Variants in PXMP4 observed in about 807,000 individuals in gnomAD.
PXMP4 encodes the protein 24 kDa peroxisomal intrinsic membrane protein.
Under a neutral mutation model 21.6 loss-of-function variants are expected in PXMP4, and 16 were observed. That is an observed-to-expected ratio of 0.74 (90% CI 0.50 to 1.13). The LOEUF (loss-of-function observed/expected upper bound fraction) is 1.13. Among genes scored for constraint, PXMP4 ranks in the 50% most tolerant of loss-of-function variants. PXMP4 has a pLI of 0.00. For missense variants in PXMP4, 240 were observed against 277.7 expected (o/e 0.86, Z 0.96); for synonymous variants, 127 against 123.8 (o/e 1.03, Z -0.17).
Position 33,707,637 on chromosome 20 carries a change from G to T in PXMP4, c.*69C>A. 1 of 1,552,122 alleles carries T rather than the reference G, an allele frequency of 6.4e-7. No homozygotes were observed. The highest frequency in any genetic ancestry group is 8.8e-7 in the Non-Finnish European group (1 of 1,138,296). On this transcript the variant is annotated 3_prime_UTR_variant, in exon 4 of 4. Coordinates refer to ENST00000409299, the MANE Select transcript of PXMP4 (RefSeq NM_007238.5). Reference sequence around the variant, plus strand: ...AGTCTGAGGCCTATGATCTTGAGAAGGCAGTATCCTTTGGGAGGGTCTGCA... The same window carrying T: ...AGTCTGAGGCCTATGATCTTGAGAATGCAGTATCCTTTGGGAGGGTCTGCA...
rs2018218118 is a variant in PXMP4, at chr20:33,702,835, A to G, written c.*4871T>C. 6.6e-6 allele frequency: 1 copy of G among 152,224 alleles called. No individual in the cohort carries two copies. Among genetic ancestry groups the G allele is most frequent in the Admixed American group, 6.5e-5 (1 of 15,280 alleles). 9.4% of individuals were successfully genotyped at this position (152,224 alleles called of 1,614,324 possible). A position where few individuals can be genotyped will look rare whatever the true frequency, so the allele number is the denominator to read the frequency against. ...ATTGTAGCAGGTGTTTAGTAAGTAGAGGTTAAACCATTCTATTTCAGGAAC... is the reference window on the plus strand; with the variant it reads ...ATTGTAGCAGGTGTTTAGTAAGTAGGGGTTAAACCATTCTATTTCAGGAAC... On this transcript the variant is annotated 3_prime_UTR_variant, in exon 4 of 4. Transcript: ENST00000409299.
At position 33,705,940 on chromosome 20, in the gene PXMP4, T is replaced by A. The variant is rs2018252815; in HGVS notation, c.*1766A>T. 6.6e-6 allele frequency: 1 copy of A among 152,132 alleles called. No individual in the cohort carries two copies. Among genetic ancestry groups the A allele is most frequent in the Admixed American group, 6.6e-5 (1 of 15,262 alleles). 9.4% of individuals were successfully genotyped at this position (152,132 alleles called of 1,614,324 possible). A position where few individuals can be genotyped will look rare whatever the true frequency, so the allele number is the denominator to read the frequency against. ...TCTTTTCTTTTCTTTTTTTATTTTT[T>A]TTTTAGACACAGTCTCGCTCTGTGG... On this transcript the variant is annotated 3_prime_UTR_variant, in exon 4 of 4. Transcript: ENST00000409299.
At chr20:33,715,719 G>A (rs139671483) in intron 1 of PXMP4, among the ~76,000 whole-genome samples, 2,131 of 152,010 alleles carry the variant, frequency 0.014, 56 homozygotes, top group African/African-American at 0.048. Flanking sequence ...GAGCCACTGT[G>A]CCCCGCCCCA....
chr20:33,709,527 C>T (rs1358706576), intron 3 of PXMP4, among the ~76,000 whole-genome samples: 2 of 152,034 alleles, frequency 1.3e-5, no homozygotes, highest in Non-Finnish European at 2.9e-5. Context: ...GAGAGCAGCA[C>T]ATGCATTGAT....
chr20:33,714,578 T>G, intron 2 of PXMP4, 96 bp downstream of exon 2: 1 of 1,214,794 alleles, frequency 8.2e-7, no homozygotes, highest in East Asian at 2.3e-5. Flanking sequence ...TTAGAAGGCG[T>G]GATGGGGGGA....
intron 3 of PXMP4, 72 bp from the exon 4 acceptor site, chr20:33,708,041 ATT>A: frequency 6.8e-7 from 1 of 1,476,474 alleles, no homozygotes; most frequent in Non-Finnish European, 9.1e-7. Flanking sequence ...GATATTAATA[ATT>A]TGTTTCATTT....
intron 1 of PXMP4, among the ~76,000 whole-genome samples, chr20:33,715,570 C>T (rs1008610875): frequency 6.6e-6 from 1 of 151,966 alleles, no homozygotes; most frequent in Non-Finnish European, 1.5e-5. Flanking sequence ...GGATTACAGG[C>T]ACGTGCCACC....
At chr20:33,715,570 C>G (rs1008610875) in intron 1 of PXMP4, among the ~76,000 whole-genome samples, 1 of 151,966 alleles carries the variant, frequency 6.6e-6, no homozygotes, top group Non-Finnish European at 1.5e-5. Flanking sequence ...GGATTACAGG[C>G]ACGTGCCACC....
At chr20:33,716,648 C>T (rs1215724233) in intron 1 of PXMP4, among the ~76,000 whole-genome samples, 2 of 152,190 alleles carry the variant, frequency 1.3e-5, no homozygotes, top group Non-Finnish European at 2.9e-5. Flanking sequence ...ATGTGTCTGG[C>T]TTGTCATCTG....
At position 33,710,757 on chromosome 20, in the gene PXMP4, C is replaced by T; in HGVS notation, c.177-4G>A. On this transcript the variant is annotated splice_polypyrimidine_tract_variant and splice_region_variant and intron_variant, in intron 2 of 3. Transcript: ENST00000409299. ...GGCCCACAGCTTCTCCTGGAGGCTG[C>T]ACAAACACAGGTGCCCCTGCCATGA... is the stretch of plus-strand genomic sequence containing the variant. 1 of 1,592,686 alleles carries T rather than the reference C, an allele frequency of 6.3e-7. No homozygotes were observed. Among genetic ancestry groups the T allele is most frequent in the Non-Finnish European group, 8.6e-7 (1 of 1,167,266 alleles).
chr20:33,713,988 G>A, intron 2 of PXMP4, among the ~76,000 whole-genome samples: 1 of 151,910 alleles, frequency 6.6e-6, no homozygotes, highest in African/African-American at 2.4e-5. Flanking sequence ...ATTGCCAGGA[G>A]GGAAGTAAAG....
chr20:33,714,169 A>G (rs2018360314), intron 2 of PXMP4, among the ~76,000 whole-genome samples: 1 of 152,198 alleles, frequency 6.6e-6, no homozygotes, highest in East Asian at 1.9e-4. Flanking sequence ...GAAGGCCCTG[A>G]AGGCCAGGCC....
At position 33,710,666 on chromosome 20, in the gene PXMP4, G is replaced by A. The variant is rs1336455614; in HGVS notation, c.264C>T (p.Leu88=). ...CTTGTATGTAGGACTGCAGGGCACG[G>A]AGACCCTTGTAGGTGAACACAAACC... ...LARFVFTYKG[L]RALQSYIQGK... Residue 88 remains leucine, a synonymous_variant, in exon 3 of 4, where the codon CTC becomes CTT. Transcript: ENST00000409299. The A allele has an allele frequency of 7.4e-6, 12 of 1,613,972 alleles. No homozygotes were observed. The highest frequency in any genetic ancestry group is 1.0e-5 in the Non-Finnish European group (12 of 1,179,946).
At chr20:33,709,633 C>A (rs1225900917) in intron 3 of PXMP4, among the ~76,000 whole-genome samples, 2 of 151,932 alleles carry the variant, frequency 1.3e-5, no homozygotes, top group Admixed American at 1.3e-4. Context: ...CTCAGACATG[C>A]AAAAGAGCCA....
intron 1 of PXMP4, among the ~76,000 whole-genome samples, chr20:33,719,028 C>T (rs372083330): frequency 1.3e-5 from 2 of 152,172 alleles, no homozygotes; most frequent in East Asian, 3.9e-4. Context: ...CCCATGTAGC[C>T]GGGACTACAG....
At chr20:33,709,982 C>CT (rs1449642334) in intron 3 of PXMP4, among the ~76,000 whole-genome samples, 1 of 147,930 alleles carries the variant, frequency 6.8e-6, no homozygotes, top group Non-Finnish European at 1.5e-5. Context: ...AGAACCACGC[C>CT]CTTCTGCCAC....
At chr20:33,714,844 C>T (rs762239307) in intron 1 of PXMP4, 108 bp from the exon 2 acceptor site, 2 of 1,081,718 alleles carry the variant, frequency 1.8e-6, no homozygotes, top group Non-Finnish European at 2.8e-6. Flanking sequence ...ATTCTAACAC[C>T]ACTTTGGGAG....
chr20:33,715,585 C>T (rs545754670), intron 1 of PXMP4, among the ~76,000 whole-genome samples: 1 of 151,864 alleles, frequency 6.6e-6, no homozygotes, highest in African/African-American at 2.4e-5. Context: ...GCCACCATGC[C>T]TGGCTAATTT....
intron 2 of PXMP4, 89 bp from the exon 3 acceptor site, chr20:33,710,842 A>C: frequency 7.9e-7 from 1 of 1,267,306 alleles, no homozygotes; most frequent in Non-Finnish European, 1.1e-6. Flanking sequence ...CAACCAGCCA[A>C]GGAGCTCGGA....
Sources: allele counts gnomAD v4.1 joint callset (sites outside exome capture counted in the v4.1 genomes callset), GRCh38; gene constraint gnomAD v4.1.1; transcripts MANE v1.5; gene names NCBI Gene and HGNC (gene_info 2026-07-23, HGNC 2026-07-21).